UTS2B: variants seen among roughly 807,000 people sequenced by gnomAD.
UTS2B encodes the protein urotensin-2B.
A neutral mutation model predicts 19.2 loss-of-function variants in UTS2B; 21 were observed. The ratio of observed to expected loss-of-function variants is 1.09; its 90% CI spans 0.78 to 1.58. The LOEUF (loss-of-function observed/expected upper bound fraction) is 1.58. Ranked by LOEUF, UTS2B falls within the 40% of genes most tolerant of loss-of-function variation. UTS2B has a pLI of 0.00. For missense variants in UTS2B, 138 were observed against 130.3 expected (o/e 1.06, Z -0.29); for synonymous variants, 57 against 50.2 (o/e 1.14, Z -0.58).
intron 4 of UTS2B, among the ~76,000 whole-genome samples, chr3:191,283,427 T>G (rs6804824): frequency 0.041 from 6,267 of 152,264 alleles, 433 homozygotes; most frequent in African/African-American, 0.14. Context: ...TTTTTTCTAC[T>G]TTGAGTCATA....
chr3:191,316,872 T>C (rs1171329152), intron 2 of UTS2B, among the ~76,000 whole-genome samples: 1 of 152,236 alleles, frequency 6.6e-6, no homozygotes, highest in Non-Finnish European at 1.5e-5. Context: ...TGAGTGCTGA[T>C]TGGCGCATAT....
At chr3:191,286,804 T>G (rs1333712792) in intron 4 of UTS2B, among the ~76,000 whole-genome samples, 1 of 148,890 alleles carries the variant, frequency 6.7e-6, no homozygotes, top group African/African-American at 2.5e-5. Context: ...AGAAGAACAA[T>G]AGAAAAGAGC....
At chr3:191,314,619 G>A (rs904652097) in intron 3 of UTS2B, among the ~76,000 whole-genome samples, 15 of 152,310 alleles carry the variant, frequency 9.8e-5, no homozygotes, top group Non-Finnish European at 2.1e-4. Flanking sequence ...TTTGAGGAGT[G>A]TAAGCGCAAG....
At chr3:191,331,569 AC>A (rs1717985911), upstream of UTS2B, among the ~76,000 whole-genome samples, 1 of 152,206 alleles carries the variant, frequency 6.6e-6, no homozygotes. Context: ...TCATTAAGTT[AC>A]AATTAAATAT....
At position 191,289,408 on chromosome 3, in the gene UTS2B, CAATAAATAAATAAATA is replaced by C. The variant is rs373034429; in HGVS notation, c.-124-7111_-124-7096del. 3.8e-3 allele frequency among the ~76,000 whole-genome samples: 534 copies of C among 139,342 alleles called. 13 individuals are homozygous for C. Among genetic ancestry groups the C allele is most frequent in the Admixed American group, 0.035 (486 of 14,046 alleles). 91.4% of individuals were successfully genotyped at this position (139,342 alleles called of 152,430 possible). ...TGGGCAACAGACCAAGACTCCATCT[CAATAAATAAATAAATA>C]AATAAATAAATAAATAAATAAATAA... On this transcript the variant is annotated intron_variant, in intron 4 of 8. Coordinates refer to ENST00000340524, the MANE Select transcript of UTS2B (RefSeq NM_198152.5).
chr3:191,293,002 T>TA (rs953726842), intron 4 of UTS2B, among the ~76,000 whole-genome samples: 43 of 146,616 alleles, frequency 2.9e-4, no homozygotes, highest in African/African-American at 4.2e-4. Flanking sequence ...GACCTCGTCT[T>TA]AAAAAAAAAA....
At chr3:191,308,454 T>C (rs990366508) in intron 3 of UTS2B, among the ~76,000 whole-genome samples, 1 of 152,230 alleles carries the variant, frequency 6.6e-6, no homozygotes, top group Non-Finnish European at 1.5e-5. Flanking sequence ...ATGCACTATA[T>C]CTCTTTTTGT....
Position 191,282,308 on chromosome 3 carries a change from A to G in UTS2B, c.-119T>C. On this transcript the variant is annotated 5_prime_UTR_variant, in exon 5 of 9. Coordinates refer to ENST00000340524, the MANE Select transcript of UTS2B (RefSeq NM_198152.5). ...AAAAGGCAAGTGTGCCTCAGTTACG[A>G]ATGATCTAGATGAAGGAAAAAGAAA... 1 of 657,868 alleles carries G rather than the reference A, an allele frequency of 1.5e-6. No homozygotes were observed. The highest frequency in any genetic ancestry group is 2.7e-6 in the Non-Finnish European group (1 of 377,236). The allele number at this position is 657,868 out of a possible 1,614,324, so 40.8% of individuals were successfully genotyped here. A position where few individuals can be genotyped will look rare whatever the true frequency, so the allele number is the denominator to read the frequency against.
intron 8 of UTS2B, among the ~76,000 whole-genome samples, chr3:191,274,631 A>C (rs1716180228): frequency 6.6e-6 from 1 of 152,214 alleles, no homozygotes; most frequent in Non-Finnish European, 1.5e-5. Context: ...TTCCCTCAAT[A>C]ATATTGTTAA....
At chr3:191,307,522 C>T (rs948832447) in intron 3 of UTS2B, among the ~76,000 whole-genome samples, 6 of 152,186 alleles carry the variant, frequency 3.9e-5, no homozygotes, top group African/African-American at 1.4e-4. Context: ...TATAAACAGT[C>T]GATTGCCGAG....
At position 191,295,031 on chromosome 3, in the gene UTS2B, A is replaced by AAACAAC. The variant is rs72344345; in HGVS notation, c.-125+9455_-125+9460dup. Among the ~76,000 whole-genome samples, 3 of 151,216 alleles carry AAACAAC rather than the reference A, an allele frequency of 2.0e-5. No homozygotes were observed. In the East Asian group the frequency reaches 5.9e-4, roughly 30 times the overall value. ...GGGTGACAGAGTAAGACTCCGTCTT[A>AAACAAC]AACAACAACAACAACAACAACAAAC... On this transcript the variant is annotated intron_variant, in intron 4 of 8. Transcript: ENST00000340524.
At chr3:191,324,496 G>A (rs1025694786) in intron 2 of UTS2B, among the ~76,000 whole-genome samples, 1 of 152,110 alleles carries the variant, frequency 6.6e-6, no homozygotes, top group African/African-American at 2.4e-5. Flanking sequence ...TCTTTCCCAT[G>A]CTATTCTCCT....
chr3:191,277,088 A>G (rs1716258029), intron 6 of UTS2B, among the ~76,000 whole-genome samples: 1 of 152,206 alleles, frequency 6.6e-6, no homozygotes. Flanking sequence ...TTTCTAACGT[A>G]GACCATAGTT....
intron 4 of UTS2B, among the ~76,000 whole-genome samples, chr3:191,289,555 G>A (rs924574879): frequency 9.2e-5 from 14 of 152,008 alleles, no homozygotes; most frequent in African/African-American, 1.7e-4. Context: ...GGATGAAAAC[G>A]TAAAGAAAAT....
intron 8 of UTS2B, among the ~76,000 whole-genome samples, chr3:191,272,523 G>A (rs1716118192): frequency 6.6e-6 from 1 of 152,162 alleles, no homozygotes; most frequent in Non-Finnish European, 1.5e-5. Context: ...GGATATGTAT[G>A]GGGTGAATAA....
Position 191,282,281 on chromosome 3 carries a change from G to T in UTS2B, c.-92C>A. The T allele has an allele frequency of 2.3e-6, 2 of 872,588 alleles. No individual in the cohort carries two copies. Among genetic ancestry groups the T allele is most frequent in the Non-Finnish European group, 3.5e-6 (2 of 566,674 alleles). The allele number at this position is 872,588 out of a possible 1,614,324, so 54.1% of individuals were successfully genotyped here. ...CTTTGGAATTCAGTAGAGCTTAGTT[G>T]CAAAAGGCAAGTGTGCCTCAGTTAC... On this transcript the variant is annotated 5_prime_UTR_variant, in exon 5 of 9. Transcript: ENST00000340524.
intron 3 of UTS2B, among the ~76,000 whole-genome samples, chr3:191,310,356 T>C (rs955505698): frequency 6.6e-6 from 1 of 152,132 alleles, no homozygotes; most frequent in Non-Finnish European, 1.5e-5. Flanking sequence ...TAGGTTTCTT[T>C]ACAGGCCAGA....
In UTS2B at chr3:191,268,964, T is replaced by C. The variant is rs1167613536; in HGVS notation, c.335-523A>G. 2.0e-5 allele frequency among the ~76,000 whole-genome samples: 3 copies of C among 152,364 alleles called. No homozygotes were observed. The East Asian group carries it at 5.8e-4, about 29-fold the overall frequency. On this transcript the variant is annotated intron_variant, in intron 8 of 8. Transcript: ENST00000340524. ...AATGATATTTAAATAACTTCATTTG[T>C]CATCACATTTAGTCCTCCCATTCTG...
At chr3:191,314,870 G>A (rs1483241914) in intron 3 of UTS2B, among the ~76,000 whole-genome samples, 1 of 152,122 alleles carries the variant, frequency 6.6e-6, no homozygotes, top group Admixed American at 6.5e-5. Flanking sequence ...GGGCTCCCAG[G>A]GAGGGCATGG....
Sources: gnomAD v4.1 joint callset for allele counts (sites outside exome capture counted in the v4.1 genomes callset) on GRCh38, gnomAD v4.1.1 for gene constraint, MANE v1.5 for transcripts, NCBI Gene and HGNC (gene_info 2026-07-23, HGNC 2026-07-21) for gene names.